EYA4: variants seen among roughly 807,000 people sequenced by gnomAD.
The protein encoded by EYA4 is protein phosphatase EYA4.
In EYA4, 31 loss-of-function variants were observed where a neutral mutation model predicts 87.9. The ratio of observed to expected loss-of-function variants is 0.35; its 90% CI spans 0.27 to 0.48. The LOEUF (loss-of-function observed/expected upper bound fraction) is 0.48, where lower values mean the gene tolerates loss of function less well. EYA4 is among the 20% of genes least tolerant of loss of function. The pLI is 0.99. For synonymous variants in EYA4, 263 were observed against 270.6 expected, an observed-to-expected ratio of 0.97 and a Z score of 0.28; for missense variants, 678 against 761.4, an observed-to-expected ratio of 0.89 and a Z score of 1.29.
intron 2 of EYA4, among the ~76,000 whole-genome samples, chr6:133,363,619 C>T (rs371711896): frequency 2.1e-3 from 309 of 148,924 alleles, no homozygotes; most frequent in Non-Finnish European, 3.5e-3. Context: ...GGACTACAGG[C>T]GCACGCTGCC....
At chr6:133,376,579 G>A (rs541676410) in intron 2 of EYA4, among the ~76,000 whole-genome samples, 2 of 151,836 alleles carry the variant, frequency 1.3e-5, no homozygotes, top group South Asian at 4.2e-4. Context: ...AGCTATTTTG[G>A]AAGATGCTAG....
chr6:133,511,450 G>C (rs1412135926), intron 14 of EYA4, among the ~76,000 whole-genome samples: 3 of 151,594 alleles, frequency 2.0e-5, no homozygotes, highest in Non-Finnish European at 4.4e-5. Context: ...AGGTTAATAT[G>C]ATGTAGTTAT....
intron 6 of EYA4, among the ~76,000 whole-genome samples, chr6:133,460,565 C>T (rs1318722170): frequency 6.6e-6 from 1 of 151,910 alleles, no homozygotes. Context: ...TTAATTATTA[C>T]TGGAATATTT....
chr6:133,356,981 AG>A (rs1225163361), intron 2 of EYA4, among the ~76,000 whole-genome samples: 2 of 151,790 alleles, frequency 1.3e-5, no homozygotes, highest in African/African-American at 4.8e-5. Flanking sequence ...ATTATAAAAG[AG>A]CAGAAAAGGC....
intron 2 of EYA4, among the ~76,000 whole-genome samples, chr6:133,286,727 C>A (rs970746070): frequency 1.1e-4 from 17 of 152,118 alleles, no homozygotes; most frequent in African/African-American, 4.1e-4. Flanking sequence ...ATCAAAGTAA[C>A]CAAAATCATG....
In EYA4 at chr6:133,529,076, A is replaced by C; in HGVS notation, c.*271A>C. 8.1e-7 allele frequency: 1 copy of C among 1,235,708 alleles called. No homozygotes were observed. Among genetic ancestry groups the C allele is most frequent in the Non-Finnish European group, 1.0e-6 (1 of 975,398 alleles). The allele number at this position is 1,235,708 out of a possible 1,614,324, so 76.5% of individuals were successfully genotyped here. ...GCTGGTACACACCAAATGAGTCCAA[A>C]CTGGAATGAGCAGCTTTAGCAAAGA... On this transcript the variant is annotated 3_prime_UTR_variant, in exon 20 of 20. Transcript: ENST00000355286.
chr6:133,446,518 C>T, intron 3 of EYA4, 112 bp from the exon 4 acceptor site: 1 of 1,220,290 alleles, frequency 8.2e-7, no homozygotes, highest in Non-Finnish European at 1.2e-6. Flanking sequence ...GTCTTAGATA[C>T]TGGTTTTAAT....
At chr6:133,524,785 T>C (rs944745228) in intron 18 of EYA4, among the ~76,000 whole-genome samples, 9 of 152,162 alleles carry the variant, frequency 5.9e-5, no homozygotes, top group African/African-American at 2.2e-4. Flanking sequence ...ACTAATATTT[T>C]CTCTAGGTCA....
Position 133,452,325 on chromosome 6 carries a change from A to G in EYA4, c.277+4146A>G, listed in dbSNP as rs572072026. On this transcript the variant is annotated intron_variant, in intron 5 of 19. Transcript: ENST00000355286. Reference sequence around the variant, plus strand: ...AACTGGTGCACACACACCTTAATCTATGTTTAAACTACACTGATTTATGAA... The same window carrying G: ...AACTGGTGCACACACACCTTAATCTGTGTTTAAACTACACTGATTTATGAA... 1.2e-4 allele frequency among the ~76,000 whole-genome samples: 18 copies of G among 152,240 alleles called. No homozygotes were observed. In the South Asian group the frequency reaches 3.3e-3, roughly 28 times the overall value.
chr6:133,282,642 T>C (rs1777724704), intron 2 of EYA4, among the ~76,000 whole-genome samples: 1 of 152,208 alleles, frequency 6.6e-6, no homozygotes, highest in Non-Finnish European at 1.5e-5. Flanking sequence ...ATATGGAGTG[T>C]GATTCTATGT....
chr6:133,263,169 T>A (rs1389101841), intron 1 of EYA4, among the ~76,000 whole-genome samples: 2 of 152,208 alleles, frequency 1.3e-5, no homozygotes, highest in Non-Finnish European at 2.9e-5. Context: ...TCTGGACAGT[T>A]GATCACAACT....
At chr6:133,330,805 G>A (rs899450848) in intron 2 of EYA4, among the ~76,000 whole-genome samples, 1 of 151,850 alleles carries the variant, frequency 6.6e-6, no homozygotes, top group African/African-American at 2.4e-5. Context: ...ATTTTCTTAT[G>A]TTGCTATATC....
chr6:133,490,454 A>G (rs193144179), intron 13 of EYA4, among the ~76,000 whole-genome samples: 6 of 152,172 alleles, frequency 3.9e-5, no homozygotes, highest in Non-Finnish European at 5.9e-5. Context: ...CACTTCACCT[A>G]TAAAGGCACA....
intron 2 of EYA4, among the ~76,000 whole-genome samples, chr6:133,313,146 T>C (rs2128336771): frequency 6.6e-6 from 1 of 152,334 alleles, no homozygotes; most frequent in South Asian, 2.1e-4. Flanking sequence ...ACTTATAAGG[T>C]ATGGGAGTGC....
chr6:133,325,053 G>C (rs1366092004), intron 2 of EYA4, among the ~76,000 whole-genome samples: 1 of 151,878 alleles, frequency 6.6e-6, no homozygotes, highest in Non-Finnish European at 1.5e-5. Flanking sequence ...TGGGACTACA[G>C]TCGCCCACCA....
chr6:133,256,922 C>T (rs958602178), intron 1 of EYA4, among the ~76,000 whole-genome samples: 2 of 152,010 alleles, frequency 1.3e-5, no homozygotes, highest in African/African-American at 4.8e-5. Context: ...ATTCCTCTTG[C>T]ATTGAATAAA....
intron 2 of EYA4, among the ~76,000 whole-genome samples, chr6:133,376,351 G>A (rs1031926754): frequency 9.2e-5 from 14 of 151,508 alleles, no homozygotes; most frequent in African/African-American, 2.9e-4. Flanking sequence ...TTTTAATCTC[G>A]AATTTATAGT....
chr6:133,356,246 G>C (rs554641185), intron 2 of EYA4, among the ~76,000 whole-genome samples: 146 of 152,110 alleles, frequency 9.6e-4, no homozygotes, highest in African/African-American at 3.4e-3. Context: ...GTGAACTTTG[G>C]GGCAATGCAG....
chr6:133,527,222 G>A (rs919568359), intron 19 of EYA4, among the ~76,000 whole-genome samples: 4 of 152,146 alleles, frequency 2.6e-5, no homozygotes, highest in Admixed American at 1.3e-4. Flanking sequence ...TGGATGTAGC[G>A]GTAATCGCAT....
Sources: gnomAD v4.1 joint callset for allele counts (sites outside exome capture counted in the v4.1 genomes callset) on GRCh38, gnomAD v4.1.1 for gene constraint, MANE v1.5 for transcripts, NCBI Gene and HGNC (gene_info 2026-07-23, HGNC 2026-07-21) for gene names.